TRABD2A: variants seen among roughly 807,000 people sequenced by gnomAD.
The protein encoded by TRABD2A is metalloprotease TIKI1.
TRABD2A carries 43 observed loss-of-function variants against 45.6 expected under a neutral mutation model. That is an observed-to-expected ratio of 0.94 (90% CI 0.74 to 1.22). The LOEUF is 1.22. Ranked by LOEUF, TRABD2A falls within the 50% of genes most tolerant of loss-of-function variation. TRABD2A has a pLI of 0.00. For synonymous variants in TRABD2A, 269 were observed against 265.0 expected, an observed-to-expected ratio of 1.02 and a Z score of -0.15; for missense variants, 642 against 652.4, an observed-to-expected ratio of 0.98 and a Z score of 0.17.
At chr2:84,850,389 T>C (rs978130602) in intron 2 of TRABD2A, among the ~76,000 whole-genome samples, 2 of 152,114 alleles carry the variant, frequency 1.3e-5, no homozygotes, top group African/African-American at 2.4e-5. Context: ...GCCTGTCCTC[T>C]AGGAGGTTGA....
intron 2 of TRABD2A, among the ~76,000 whole-genome samples, chr2:84,846,232 A>G (rs2105385961): frequency 6.6e-6 from 1 of 152,240 alleles, no homozygotes; most frequent in East Asian, 1.9e-4. Flanking sequence ...GTTGCTAAAA[A>G]CCACAGAAAT....
intron 2 of TRABD2A, among the ~76,000 whole-genome samples, chr2:84,867,474 T>C (rs1032935069): frequency 4.6e-5 from 7 of 152,092 alleles, no homozygotes; most frequent in Non-Finnish European, 1.0e-4. Context: ...CCTAAAACCA[T>C]AAAAACCCTA....
rs1559088322 is a variant in TRABD2A at position 84,841,913 on chromosome 2, T to C, written c.764A>G (p.His255Arg). Residue 255 changes from histidine (H) to arginine (R), a missense_variant, in exon 3 of 7, where the codon CAC (histidine) becomes CGC (arginine). By Grantham distance (29) the His-to-Arg change is conservative. Transcript: ENST00000409520. Reference protein sequence around the residue: ...IPYTTEDLIKHYNCGDLSSVI... With the variant: ...IPYTTEDLIKRYNCGDLSSVI... ...GGAGCTGAGGTCCCCGCAGTTATAG[T>C]GTTTGATGAGATCCTCCGTCGTGTA... 1 of 1,548,548 alleles carries C rather than the reference T, an allele frequency of 6.5e-7. No homozygotes were observed. The highest frequency in any genetic ancestry group is 8.7e-7 in the Non-Finnish European group (1 of 1,146,390).
chr2:84,853,120 A>G (rs936472310), intron 2 of TRABD2A, among the ~76,000 whole-genome samples: 2 of 152,046 alleles, frequency 1.3e-5, no homozygotes, highest in Non-Finnish European at 2.9e-5. Flanking sequence ...CTAATCCAAT[A>G]TGACTGCGTC....
intron 1 of TRABD2A, among the ~76,000 whole-genome samples, chr2:84,880,621 C>A (rs1047081301): frequency 1.3e-5 from 2 of 152,246 alleles, no homozygotes; most frequent in African/African-American, 4.8e-5. Flanking sequence ...TACTCCCTGG[C>A]GGATCCGTCC....
chr2:84,828,647 CA>C (rs1475057334), intron 5 of TRABD2A, among the ~76,000 whole-genome samples: 1 of 152,210 alleles, frequency 6.6e-6, no homozygotes, highest in Non-Finnish European at 1.5e-5. Flanking sequence ...TCAGGTCCCC[CA>C]CTGGCTGAAT....
chr2:84,866,587 T>C (rs1281352638), intron 2 of TRABD2A, among the ~76,000 whole-genome samples: 1 of 152,150 alleles, frequency 6.6e-6, no homozygotes, highest in African/African-American at 2.4e-5. Flanking sequence ...GAGAGTTAAA[T>C]ATAAAATTAT....
In TRABD2A at chr2:84,830,587, G is replaced by A. The variant is rs1005895017; in HGVS notation, c.1082+1468C>T. Among the ~76,000 whole-genome samples the A allele has an allele frequency of 2.0e-5, 3 of 152,214 alleles. No homozygotes were observed. The highest frequency in any genetic ancestry group is 4.4e-5 in the Non-Finnish European group (3 of 68,046). On this transcript the variant is annotated intron_variant, in intron 5 of 6. Coordinates refer to ENST00000409520, the MANE Select transcript of TRABD2A (RefSeq NM_001277053.2). The surrounding 1 kb of genome is among the most constrained non-coding windows in gnomAD (Gnocchi z 4.9). ...GAAATGGAGAAGGACAAATCCCAGC[G>A]AGTCTTTAGTGGAGGAAGCCAAAAG...
rs777697876 is a variant in TRABD2A, at chr2:84,870,708, C to T, written c.186G>A (p.Pro62=). The change falls in exon 2 of 7, where the codon CCG becomes CCA. Residue 62 remains proline (P), a synonymous_variant. Transcript: ENST00000409520. ...GGATGAAGTCCCAAACTCGGGTGTA[C>T]GGGACATGGATTGTGCCAAAGAAGT... The part of the protein sequence containing the change: ...PSYFFGTIHV[P]YTRVWDFIPD... 17 of 1,603,350 alleles carry T rather than the reference C, an allele frequency of 1.1e-5. No homozygotes were observed. Among genetic ancestry groups the T allele is most frequent in the Middle Eastern group, 3.3e-4 (2 of 6,080 alleles).
At chr2:84,859,055 C>A (rs915816688) in intron 2 of TRABD2A, among the ~76,000 whole-genome samples, 1 of 152,174 alleles carries the variant, frequency 6.6e-6, no homozygotes, top group Non-Finnish European at 1.5e-5. Flanking sequence ...AGCCCATGAG[C>A]CACACACCGA....
intron 2 of TRABD2A, among the ~76,000 whole-genome samples, chr2:84,846,198 G>C (rs544575560): frequency 1.3e-5 from 2 of 152,214 alleles, no homozygotes; most frequent in East Asian, 3.8e-4. Context: ...CTGTGCATCA[G>C]AGTTAGTGCT....
At chr2:84,831,674 C>G (rs963252941) in intron 5 of TRABD2A, among the ~76,000 whole-genome samples, 3 of 152,138 alleles carry the variant, frequency 2.0e-5, no homozygotes, top group Non-Finnish European at 2.9e-5. Context: ...CTGTCATGGC[C>G]CGATTTTGCC....
intron 2 of TRABD2A, 84 bp downstream of exon 2, chr2:84,870,141 G>A (rs1486087897): frequency 1.9e-5 from 25 of 1,334,380 alleles, no homozygotes; most frequent in South Asian, 1.1e-4. Flanking sequence ...AGCTGTGCCC[G>A]TGATCCATCA....
Position 84,870,779 on chromosome 2 carries a change from C to G in TRABD2A, c.115G>C (p.Glu39Gln), listed in dbSNP as rs372746235. Residue 39 changes from glutamate (E) to glutamine (Q), a missense_variant, in exon 2 of 7, where the codon GAG becomes CAG. Coordinates refer to ENST00000409520, the MANE Select transcript of TRABD2A (RefSeq NM_001277053.2). ...ANCELKPQQS[E>Q]LNSFLWTIKR... ...ATGGTCCACAAGAAGGAATTCAGCT[C>G]GCTTTGCTGAAAAGAAAAGAGGTAA... 7 of 1,574,644 alleles carry G rather than the reference C, an allele frequency of 4.4e-6. No homozygotes were observed. Among genetic ancestry groups the G allele is most frequent in the South Asian group, 2.3e-5 (2 of 85,648 alleles).
intron 5 of TRABD2A, among the ~76,000 whole-genome samples, chr2:84,829,840 A>G (rs1234607588): frequency 3.3e-5 from 5 of 150,108 alleles, no homozygotes; most frequent in Non-Finnish European, 7.4e-5. Context: ...CACACATACC[A>G]GACATGCACC....
intron 6 of TRABD2A, among the ~76,000 whole-genome samples, chr2:84,822,842 C>T (rs1025155674): frequency 7.9e-5 from 12 of 152,166 alleles, no homozygotes; most frequent in Non-Finnish European, 1.8e-4. Context: ...CTTTCAATGG[C>T]TCCCTACTTC....
chr2:84,849,855 G>A (rs539250952), intron 2 of TRABD2A, among the ~76,000 whole-genome samples: 4 of 152,304 alleles, frequency 2.6e-5, no homozygotes, highest in Middle Eastern at 3.4e-3. Flanking sequence ...ACTCACTCTC[G>A]CCAGAAGGGA....
chr2:84,869,235 C>A (rs1682790405), intron 2 of TRABD2A, among the ~76,000 whole-genome samples: 1 of 152,182 alleles, frequency 6.6e-6, no homozygotes, highest in Non-Finnish European at 1.5e-5. Flanking sequence ...TTCTGAGGAA[C>A]AAAACCTCAA....
intron 5 of TRABD2A, among the ~76,000 whole-genome samples, chr2:84,826,177 G>C (rs1336414013): frequency 2.0e-5 from 3 of 152,180 alleles, no homozygotes; most frequent in Non-Finnish European, 2.9e-5. Context: ...GATTTAGTGA[G>C]GAACATGGTC....
Sources: gnomAD v4.1 joint callset for allele counts (sites outside exome capture counted in the v4.1 genomes callset) on GRCh38, gnomAD v4.1.1 for gene constraint, Gnocchi (gnomAD v3.1) non-coding constraint, MANE v1.5 for transcripts, NCBI Gene and HGNC (gene_info 2026-07-23, HGNC 2026-07-21) for gene names.